NTM: variants seen among roughly 807,000 people sequenced by gnomAD.
NTM encodes the protein neurotrimin.
In NTM, 13 loss-of-function variants were observed where a neutral mutation model predicts 42.1. That is an observed-to-expected ratio of 0.31 (90% CI 0.20 to 0.49). The LOEUF (loss-of-function observed/expected upper bound fraction) is 0.49, where lower values mean the gene tolerates loss of function less well. Among genes scored for constraint, NTM ranks in the 20% least tolerant of loss-of-function variants. The probability of loss-of-function intolerance (pLI) is 0.99; values close to 1 mark genes in which losing one functional copy is unlikely to be tolerated. For synonymous variants in NTM, 187 were observed against 179.2 expected (o/e 1.04, Z -0.35); for missense variants, 373 against 452.8 (o/e 0.82, Z 1.60).
intron 1 of NTM, among the ~76,000 whole-genome samples, chr11:131,406,404 A>C (rs1945819173): frequency 6.6e-6 from 1 of 152,214 alleles, no homozygotes; most frequent in Non-Finnish European, 1.5e-5. Context: ...GGATTTTAAG[A>C]ATATATTGAA....
intron 1 of NTM, among the ~76,000 whole-genome samples, chr11:131,510,778 G>A (rs1030744840): frequency 2.6e-5 from 4 of 152,116 alleles, no homozygotes; most frequent in African/African-American, 9.7e-5. Context: ...GTCAAGGTTT[G>A]TGCCCCAGTT....
At chr11:132,275,726 G>GTATATATATATGTATA (rs1438604193) in intron 4 of NTM, among the ~76,000 whole-genome samples, 1 of 80,968 alleles carries the variant, frequency 1.2e-5, no homozygotes, top group Non-Finnish European at 2.4e-5. Context: ...ATATATATAC[G>GTATATATATATGTATA]TATATATACG....
intron 2 of NTM, among the ~76,000 whole-genome samples, chr11:131,951,489 G>A (rs1359457498): frequency 1.3e-5 from 2 of 152,116 alleles, no homozygotes; most frequent in Non-Finnish European, 1.5e-5. Context: ...ATAAGGAGCT[G>A]TCCACACAGA....
At chr11:131,447,976 C>T (rs1257361788) in intron 1 of NTM, among the ~76,000 whole-genome samples, 7 of 152,326 alleles carry the variant, frequency 4.6e-5, no homozygotes, top group African/African-American at 1.2e-4. Flanking sequence ...TTCTGGTGAA[C>T]GCTGGAAAGC....
At chr11:131,640,592 G>A (rs897895423) in intron 1 of NTM, among the ~76,000 whole-genome samples, 14 of 152,098 alleles carry the variant, frequency 9.2e-5, no homozygotes, top group African/African-American at 3.1e-4. Flanking sequence ...GTGAGACTTC[G>A]AGTCCAGAGG....
intron 4 of NTM, among the ~76,000 whole-genome samples, chr11:132,229,285 G>A (rs971655719): frequency 1.3e-5 from 2 of 152,188 alleles, no homozygotes; most frequent in African/African-American, 4.8e-5. Flanking sequence ...GAGGCGCAGA[G>A]CACGCACTTA....
At chr11:132,086,175 T>C (rs941176973) in intron 2 of NTM, among the ~76,000 whole-genome samples, 1 of 151,622 alleles carries the variant, frequency 6.6e-6, no homozygotes, top group Admixed American at 6.6e-5. Context: ...ATACAAAAAA[T>C]TAGCTGGGCA....
rs116309792 is a variant in NTM, at chr11:131,627,890, A to C, written c.82+257002A>C. On this transcript the variant is annotated intron_variant, in intron 1 of 8. Coordinates refer to ENST00000683400, the MANE Select transcript of NTM (RefSeq NM_001352005.2). ...TGCCATTAGGAGTCCTCTTTATAATAGGGATTCCACTCTAGAAAACGAATT... is the reference window on the plus strand; with the variant it reads ...TGCCATTAGGAGTCCTCTTTATAATCGGGATTCCACTCTAGAAAACGAATT... 4.2e-3 allele frequency among the ~76,000 whole-genome samples: 633 copies of C among 152,278 alleles called. 5 individuals carry two copies. Among genetic ancestry groups the C allele is most frequent in the African/African-American group, 0.014 (593 of 41,546 alleles).
chr11:132,115,358 A>G (rs1375975000), intron 2 of NTM, among the ~76,000 whole-genome samples: 1 of 152,206 alleles, frequency 6.6e-6, no homozygotes, highest in Non-Finnish European at 1.5e-5. Context: ...TAGACATGTT[A>G]ATTAGCCTGG....
intron 1 of NTM, among the ~76,000 whole-genome samples, chr11:131,568,746 T>C (rs960978422): frequency 6.6e-6 from 1 of 152,198 alleles, no homozygotes; most frequent in African/African-American, 2.4e-5. Context: ...CAGTTGAGTA[T>C]GGAGCACCAG....
intron 4 of NTM, among the ~76,000 whole-genome samples, chr11:132,291,755 A>G (rs1378116206): frequency 6.6e-6 from 1 of 152,238 alleles, no homozygotes; most frequent in Non-Finnish European, 1.5e-5. Context: ...GCTCATTTAA[A>G]GGAGTGAGTT....
intron 1 of NTM, among the ~76,000 whole-genome samples, chr11:131,832,536 C>T (rs1271438031): frequency 6.6e-6 from 1 of 151,966 alleles, no homozygotes; most frequent in Non-Finnish European, 1.5e-5. Context: ...GTGATAAATC[C>T]CAGTAGCCTA....
intron 1 of NTM, chr11:131,774,006 T>C: frequency 1.0e-6 from 1 of 984,432 alleles, no homozygotes; most frequent in East Asian, 1.1e-4. Flanking sequence ...TTCCGTCGTC[T>C]CATTTTTAAA....
At chr11:131,997,255 G>C (rs758636260) in intron 2 of NTM, among the ~76,000 whole-genome samples, 8 of 152,134 alleles carry the variant, frequency 5.3e-5, no homozygotes, top group African/African-American at 1.9e-4. Context: ...CCAGCCTCTC[G>C]CCCTGCCTGG....
chr11:132,079,212 A>G (rs1039654207), intron 2 of NTM, among the ~76,000 whole-genome samples: 1 of 152,230 alleles, frequency 6.6e-6, no homozygotes, highest in African/African-American at 2.4e-5. Flanking sequence ...TCAGTAGCCG[A>G]CACTCATGGA....
intron 4 of NTM, chr11:132,284,787 G>T (rs1217683088): frequency 2.0e-5 from 3 of 152,436 alleles, no homozygotes; most frequent in African/African-American, 4.8e-5. Flanking sequence ...AGAAGGCGGG[G>T]CCGGCCAGGG....
At chr11:132,234,248 G>A (rs1403069742) in intron 4 of NTM, among the ~76,000 whole-genome samples, 1 of 152,202 alleles carries the variant, frequency 6.6e-6, no homozygotes, top group East Asian at 1.9e-4. Flanking sequence ...CTTTGTTTCT[G>A]TAGCATACAG....
At chr11:131,389,439 C>T (rs1943743832) in intron 1 of NTM, among the ~76,000 whole-genome samples, 1 of 151,872 alleles carries the variant, frequency 6.6e-6, no homozygotes, top group African/African-American at 2.4e-5. Context: ...CAGGATTTAT[C>T]ATTCGCCTTG....
chr11:131,520,104 T>C (rs189948440), intron 1 of NTM, among the ~76,000 whole-genome samples: 19 of 152,328 alleles, frequency 1.2e-4, no homozygotes. Flanking sequence ...ACTTCTATCG[T>C]CGTCAACAGT....
Sources: allele counts gnomAD v4.1 joint callset (sites outside exome capture counted in the v4.1 genomes callset), GRCh38; gene constraint gnomAD v4.1.1; transcripts MANE v1.5; gene names NCBI Gene and HGNC (gene_info 2026-07-23, HGNC 2026-07-21).